Variants in FOXN3 observed in about 807,000 individuals in gnomAD.
FOXN3 encodes the protein forkhead box N3.
FOXN3 carries 7 observed loss-of-function variants against 38.4 expected under a neutral mutation model. The ratio of observed to expected loss-of-function variants is 0.18; its 90% CI spans 0.10 to 0.34. The LOEUF is 0.34. FOXN3 is among the 10% of genes least tolerant of loss of function. The pLI is 1.00. For missense variants in FOXN3, 456 were observed against 613.4 expected (o/e 0.74, Z 2.71); for synonymous variants, 230 against 242.2 (o/e 0.95, Z 0.47).
At chr14:89,407,295 G>C (rs938134769) in intron 2 of FOXN3, among the ~76,000 whole-genome samples, 1 of 152,202 alleles carries the variant, frequency 6.6e-6, no homozygotes, top group African/African-American at 2.4e-5. Flanking sequence ...GAGGGCATAG[G>C]AGTGCTGCAG....
intron 3 of FOXN3, among the ~76,000 whole-genome samples, chr14:89,330,875 G>C (rs575648245): frequency 3.2e-4 from 49 of 152,308 alleles, no homozygotes; most frequent in African/African-American, 1.1e-3. Context: ...AGGCCAGGGA[G>C]CCTGTCCTGT....
chr14:89,251,208 T>C (rs1885444158), intron 4 of FOXN3, among the ~76,000 whole-genome samples: 1 of 152,220 alleles, frequency 6.6e-6, no homozygotes, highest in Non-Finnish European at 1.5e-5. Flanking sequence ...GCCTCCAGCC[T>C]TCTTCCCACA....
In FOXN3 at chr14:89,607,918, G is replaced by C. The variant is rs541499711; in HGVS notation, c.-15+11110C>G. 3.9e-5 allele frequency among the ~76,000 whole-genome samples: 6 copies of C among 152,024 alleles called. No individual in the cohort carries two copies. The East Asian group carries it at 1.2e-3, about 30-fold the overall frequency. ...TGCAACCTCCACCTCCCGGGTTCAA[G>C]CGATTCTCCTGCCTCGGCCTCCCGA... is the stretch of plus-strand genomic sequence containing the variant. On this transcript the variant is annotated intron_variant, in intron 1 of 6. Transcript: ENST00000345097.
intron 2 of FOXN3, among the ~76,000 whole-genome samples, chr14:89,384,601 C>T (rs1177185510): frequency 6.6e-6 from 1 of 152,154 alleles, no homozygotes; most frequent in African/African-American, 2.4e-5. Context: ...CAGCCCCACA[C>T]CTACCACAAT....
intron 1 of FOXN3, among the ~76,000 whole-genome samples, chr14:89,504,292 T>C (rs879781848): frequency 1.2e-4 from 18 of 152,198 alleles, no homozygotes; most frequent in Non-Finnish European, 2.2e-4. Context: ...ATCCAACCCA[T>C]GTGTTTGCAG....
intron 1 of FOXN3, among the ~76,000 whole-genome samples, chr14:89,562,213 T>C (rs1421292370): frequency 6.6e-6 from 1 of 152,194 alleles, no homozygotes; most frequent in Non-Finnish European, 1.5e-5. Flanking sequence ...TTCCAAGTTG[T>C]CGTCTGCAGG....
chr14:89,463,645 C>T (rs1892903430), intron 1 of FOXN3, among the ~76,000 whole-genome samples: 2 of 152,174 alleles, frequency 1.3e-5, no homozygotes, highest in South Asian at 4.1e-4. Context: ...GCTCCTGAGA[C>T]CTCTTCAGTA....
intron 1 of FOXN3, among the ~76,000 whole-genome samples, chr14:89,504,177 C>T (rs529880131): frequency 6.6e-6 from 1 of 152,322 alleles, no homozygotes; most frequent in African/African-American, 2.4e-5. Flanking sequence ...ACCAAGTAGT[C>T]ATGTGCATTG....
At chr14:89,453,794 A>G (rs944687832) in intron 1 of FOXN3, among the ~76,000 whole-genome samples, 3 of 152,188 alleles carry the variant, frequency 2.0e-5, no homozygotes, top group African/African-American at 7.2e-5. Context: ...TTTAAAATGC[A>G]CATCAGCTTT....
At chr14:89,230,948 C>A (rs1884788797) in intron 4 of FOXN3, 1 of 449,826 alleles carries the variant, frequency 2.2e-6, no homozygotes, top group South Asian at 1.6e-5. Flanking sequence ...GTGATAAATC[C>A]CCCATGGCGT....
intron 4 of FOXN3, among the ~76,000 whole-genome samples, chr14:89,254,060 C>A (rs1448399580): frequency 6.6e-6 from 1 of 152,088 alleles, no homozygotes; most frequent in Non-Finnish European, 1.5e-5. Flanking sequence ...GGATGGAAAC[C>A]CCAGCTGTGT....
At chr14:89,492,557 G>C (rs1481153299) in intron 1 of FOXN3, among the ~76,000 whole-genome samples, 1 of 152,126 alleles carries the variant, frequency 6.6e-6, no homozygotes, top group African/African-American at 2.4e-5. Context: ...AATATAGTGA[G>C]GTCTTTTAGT....
chr14:89,479,929 C>T (rs1893288297), intron 1 of FOXN3, among the ~76,000 whole-genome samples: 1 of 152,060 alleles, frequency 6.6e-6, no homozygotes. Context: ...AGAAAGTTTC[C>T]GTCTTGTGTT....
At chr14:89,580,788 G>A (rs1382070508) in intron 1 of FOXN3, among the ~76,000 whole-genome samples, 2 of 152,186 alleles carry the variant, frequency 1.3e-5, no homozygotes, top group East Asian at 3.8e-4. Flanking sequence ...TGGATCCCAA[G>A]GCCTCACTTA....
chr14:89,363,267 T>C (rs1403317904), intron 2 of FOXN3, among the ~76,000 whole-genome samples: 2 of 152,160 alleles, frequency 1.3e-5, no homozygotes, highest in Non-Finnish European at 2.9e-5. Context: ...CTTGTCACCA[T>C]ACCTCCTCTG....
chr14:89,477,791 G>A (rs570370705), intron 1 of FOXN3, among the ~76,000 whole-genome samples: 29 of 152,206 alleles, frequency 1.9e-4, no homozygotes, highest in Middle Eastern at 3.4e-3. Context: ...TGGCCGGCAC[G>A]ATGCCTATTT....
chr14:89,586,612 TG>T (rs1484789422), intron 1 of FOXN3, among the ~76,000 whole-genome samples: 1 of 152,282 alleles, frequency 6.6e-6, no homozygotes, highest in African/African-American at 2.4e-5. Context: ...GCTGTTTTTT[TG>T]TTTGCTTATG....
Position 89,187,104 on chromosome 14 carries a change from A to G in FOXN3, c.746-6298T>C, listed in dbSNP as rs993715639. ...TGCCATCTGGTGACCTGGAGTGGCT[A>G]TGAAGGGTGAGGACAAAGGAAAAGC... On this transcript the variant is annotated intron_variant, in intron 4 of 5. Transcript: ENST00000557258. 6.6e-5 allele frequency among the ~76,000 whole-genome samples: 10 copies of G among 152,322 alleles called. No individual in the cohort carries two copies. In the South Asian group the frequency reaches 1.7e-3, roughly 25 times the overall value.
chr14:89,542,578 C>T (rs184571424), intron 1 of FOXN3, among the ~76,000 whole-genome samples: 19 of 152,300 alleles, frequency 1.2e-4, no homozygotes, highest in Non-Finnish European at 2.1e-4. Flanking sequence ...TCTACCAAAC[C>T]ACAAACTACT....
Sources: allele counts gnomAD v4.1 joint callset (sites outside exome capture counted in the v4.1 genomes callset), GRCh38; gene constraint gnomAD v4.1.1; transcripts MANE v1.5; gene names NCBI Gene and HGNC (gene_info 2026-07-23, HGNC 2026-07-21).